Variants in LIPA observed in about 807,000 individuals in gnomAD.
LIPA encodes the protein lipase A, lysosomal acid type.
Under a neutral mutation model 40.6 loss-of-function variants are expected in LIPA, and 26 were observed. That is an observed-to-expected ratio of 0.64 (90% CI 0.47 to 0.89). The LOEUF is 0.89. Among genes scored for constraint, LIPA ranks in the 40% least tolerant of loss-of-function variants. LIPA has a pLI of 0.00. For synonymous variants in LIPA, 188 were observed against 168.4 expected, an observed-to-expected ratio of 1.12 and a Z score of -0.90; for missense variants, 455 against 479.6, an observed-to-expected ratio of 0.95 and a Z score of 0.48.
In LIPA at chr10:89,223,792, C is replaced by T. The variant is rs139282720; in HGVS notation, c.714G>A (p.Ala238=). Residue 238 remains alanine, a synonymous_variant, in exon 7 of 10, where the codon GCG becomes GCA. Transcript: ENST00000336233. ...CGTGGGTACCCAGCCACTTCAAAAA[C>T]GCACTCTGGGGAAGAAATTCTTTGT... is the stretch of plus-strand genomic sequence containing the variant. ...FGDKEFLPQS[A]FLKWLGTHVC... 23 of 1,614,084 alleles carry T rather than the reference C, an allele frequency of 1.4e-5. No individual in the cohort carries two copies. The highest frequency in any genetic ancestry group is 1.2e-4 in the Admixed American group (7 of 60,016).
At chr10:89,318,403 G>T (rs1843553668) in intron 1 of LIPA, among the ~76,000 whole-genome samples, 1 of 151,956 alleles carries the variant, frequency 6.6e-6, no homozygotes, top group African/African-American at 2.4e-5. Context: ...AAAAAAAGCA[G>T]GGTTGCAATC....
intron 1 of LIPA, among the ~76,000 whole-genome samples, chr10:89,318,821 C>T (rs1161359958): frequency 4.6e-5 from 7 of 152,200 alleles, no homozygotes; most frequent in Non-Finnish European, 8.8e-5. Context: ...AAGTAAAGCA[C>T]TCCTCAGCAA....
intron 4 of LIPA, 25 bp downstream of exon 4, chr10:89,228,175 C>G (rs762384364): frequency 6.3e-7 from 1 of 1,587,666 alleles, no homozygotes; most frequent in South Asian, 1.1e-5. Context: ...GAAATACATC[C>G]ATGCCATTAT....
In LIPA at chr10:89,311,931, T is replaced by C. The variant is rs534239353; in HGVS notation, c.-2+30680A>G. Among the ~76,000 whole-genome samples the C allele has an allele frequency of 4.6e-5, 7 of 152,322 alleles. No homozygotes were observed. The South Asian group carries it at 1.4e-3, about 32-fold the overall frequency. On this transcript the variant is annotated intron_variant, in intron 1 of 5. Coordinates refer to the LIPA transcript ENST00000282673. ...ATAAAATATTCAAGTGTGGAATCTGTATGACGGAAATCCTCTCCACACCCA... is the reference window on the plus strand; with the variant it reads ...ATAAAATATTCAAGTGTGGAATCTGCATGACGGAAATCCTCTCCACACCCA...
intron 1 of LIPA, among the ~76,000 whole-genome samples, chr10:89,304,034 C>T (rs1843462538): frequency 6.6e-6 from 1 of 152,210 alleles, no homozygotes; most frequent in African/African-American, 2.4e-5. Context: ...TACAGTCCTA[C>T]CCATGGTCCT....
At chr10:89,413,287 C>T (rs304437) in intron 1 of LIPA, among the ~76,000 whole-genome samples, 26,345 of 152,106 alleles carry the variant, frequency 0.17, 2,942 homozygotes, top group East Asian at 0.45. Context: ...AAATCAGGTT[C>T]TTAATAGCCA....
At chr10:89,288,853 A>G (rs1373963134) in intron 1 of LIPA, among the ~76,000 whole-genome samples, 1 of 152,248 alleles carries the variant, frequency 6.6e-6, no homozygotes, top group African/African-American at 2.4e-5. Context: ...TATGCCTTCC[A>G]TATCCTGCAC....
intron 3 of LIPA, among the ~76,000 whole-genome samples, chr10:89,241,025 G>GAGAAA (rs1228005014): frequency 6.6e-6 from 1 of 152,136 alleles, no homozygotes. Context: ...AATTGCGATG[G>GAGAAA]AGAAAAACAC....
At chr10:89,361,863 C>A (rs1020981455) in intron 2 of LIPA, among the ~76,000 whole-genome samples, 1 of 149,392 alleles carries the variant, frequency 6.7e-6, no homozygotes, top group Non-Finnish European at 1.5e-5. Context: ...CCACCCCCCA[C>A]CCTCCACCTG....
At chr10:89,392,543 C>A in intron 2 of LIPA, 1 of 310,680 alleles carries the variant, frequency 3.2e-6, no homozygotes, top group Non-Finnish European at 5.7e-6. Context: ...AGGTTTCCAA[C>A]TTGCAAGGAC....
Position 89,248,453 on chromosome 10 carries a change from TTTA to T in LIPA, c.-1-807_-1-805del, listed in dbSNP as rs1564766005. Among the ~76,000 whole-genome samples the T allele has an allele frequency of 3.2e-3, 215 of 67,892 alleles. 2 individuals are homozygous for T. Among genetic ancestry groups the T allele is most frequent in the Middle Eastern group, 7.9e-3 (1 of 126 alleles). 44.5% of individuals were successfully genotyped at this position (67,892 alleles called of 152,430 possible). On this transcript the variant is annotated intron_variant, in intron 1 of 9. Transcript: ENST00000336233. ...ATTATTATTATTTTATATTTATTTATTTATTTATTTATTTATTTATTTATTTAT... is the reference window on the plus strand; with the variant it reads ...ATTATTATTATTTTATATTTATTTATTTTATTTATTTATTTATTTATTTAT...
At chr10:89,325,542 A>C (rs1242730649) in intron 1 of LIPA, among the ~76,000 whole-genome samples, 1 of 152,194 alleles carries the variant, frequency 6.6e-6, no homozygotes, top group Non-Finnish European at 1.5e-5. Flanking sequence ...GCCACAAAAA[A>C]AAGAATATCA....
intron 1 of LIPA, among the ~76,000 whole-genome samples, chr10:89,337,718 G>A (rs919736844): frequency 6.6e-6 from 1 of 152,192 alleles, no homozygotes; most frequent in Non-Finnish European, 1.5e-5. Flanking sequence ...ATTGAGCAGC[G>A]TGAGAGAGAT....
chr10:89,333,625 A>G (rs1237306669), intron 1 of LIPA, among the ~76,000 whole-genome samples: 1 of 152,240 alleles, frequency 6.6e-6, no homozygotes, highest in Non-Finnish European at 1.5e-5. Context: ...GCTTGAGCCC[A>G]GGGGCTCCAG....
intron 2 of LIPA, among the ~76,000 whole-genome samples, chr10:89,371,284 T>C (rs1030781127): frequency 2.0e-5 from 3 of 152,200 alleles, no homozygotes; most frequent in Non-Finnish European, 4.4e-5. Flanking sequence ...GCTTAAGACA[T>C]ATGGGTTAAC....
chr10:89,377,698 C>T (rs1226301733), intron 2 of LIPA, among the ~76,000 whole-genome samples: 1 of 152,196 alleles, frequency 6.6e-6, no homozygotes, highest in African/African-American at 2.4e-5. Flanking sequence ...CCTGGAACCA[C>T]CTGGCGGGAT....
At chr10:89,411,427 A>G (rs564631540) in intron 2 of LIPA, among the ~76,000 whole-genome samples, 17 of 152,244 alleles carry the variant, frequency 1.1e-4, no homozygotes, top group Non-Finnish European at 2.4e-4. Flanking sequence ...TACTTACAGA[A>G]TCAGGAAGGA....
chr10:89,379,705 G>T (rs1844147806), intron 2 of LIPA, among the ~76,000 whole-genome samples: 1 of 152,068 alleles, frequency 6.6e-6, no homozygotes, highest in Non-Finnish European at 1.5e-5. Context: ...GAGTACCCAA[G>T]TCTCTCTTTT....
chr10:89,334,602 T>TCTC (rs71022562), intron 1 of LIPA, among the ~76,000 whole-genome samples: 93,029 of 147,956 alleles, frequency 0.63, 31,695 homozygotes, highest in East Asian at 0.94. Context: ...TTCAAGCAAT[T>TCTC]CTGCCTCGGC....
Sources: gnomAD v4.1 joint callset for allele counts (sites outside exome capture counted in the v4.1 genomes callset) on GRCh38, gnomAD v4.1.1 for gene constraint, MANE v1.5 for transcripts, NCBI Gene and HGNC (gene_info 2026-07-23, HGNC 2026-07-21) for gene names.